Variants in ODF2 observed in about 807,000 individuals in gnomAD.
ODF2 encodes the protein outer dense fiber of sperm tails 2, also known as outer dense fiber protein 2.
In ODF2, 47 loss-of-function variants were observed where a neutral mutation model predicts 110.2. That is an observed-to-expected ratio of 0.43 (90% CI 0.34 to 0.54). The LOEUF is 0.54. Ranked by LOEUF, ODF2 falls within the 20% of genes least tolerant of loss-of-function variation. The pLI is 0.03. For missense variants in ODF2, 812 were observed against 1,054.5 expected (o/e 0.77, Z 3.19); for synonymous variants, 352 against 397.7 (o/e 0.89, Z 1.37).
intron 6 of ODF2, 98 bp downstream of exon 6, chr9:128,471,566 CAGG>C: frequency 1.7e-6 from 2 of 1,181,570 alleles, no homozygotes; most frequent in Non-Finnish European, 2.4e-6. Context: ...GAGGTGGGCA[CAGG>C]CACTGTGCCT....
chr9:128,492,818 T>C lies in ODF2; in HGVS notation c.1752+13T>C. The C allele has an allele frequency of 6.2e-7, 1 of 1,601,234 alleles. No homozygotes were observed. The highest frequency in any genetic ancestry group is 8.6e-7 in the Non-Finnish European group (1 of 1,168,540). On this transcript the variant is annotated intron_variant, in intron 16 of 20. Transcript: ENST00000604420. ...AGAGATTGAGGCGGTACTGCTTTCC[T>C]TCCTTGTTTTCTTCTCCTACCCAAT...
At chr9:128,460,987 C>T (rs779962939) in exon 4 of ODF2, 4 of 1,614,146 alleles carry the variant, frequency 2.5e-6, no homozygotes, top group South Asian at 1.1e-5. Flanking sequence ...GAATGTGCGG[C>T]GGAGTGTCCG....
intron 18 of ODF2, chr9:128,497,449 ATATATATATATATAT>A (rs1564533079): frequency 1.9e-4 from 10 of 52,136 alleles, no homozygotes; most frequent in South Asian, 6.5e-4. Context: ...AAAAAAAAAT[ATATATATATATATAT>A]ATATATATAT....
intron 18 of ODF2, chr9:128,497,446 A>AATATATATATATATATATAT (rs71381765): frequency 2.3e-5 from 1 of 42,592 alleles, no homozygotes; most frequent in African/African-American, 1.5e-4. Flanking sequence ...AAAAAAAAAA[A>AATATATATATATATATATAT]ATATATATAT....
chr9:128,495,940 A>G (rs762893968), intron 17 of ODF2, 101 bp from the exon 18 acceptor site: 24 of 1,385,262 alleles, frequency 1.7e-5, no homozygotes, highest in Non-Finnish European at 2.3e-5. Context: ...TGCTGAGGGC[A>G]CTGTGCCCCT....
intron 4 of ODF2, among the ~76,000 whole-genome samples, chr9:128,466,845 C>T (rs1404156326): frequency 2.0e-5 from 3 of 146,920 alleles, no homozygotes; most frequent in South Asian, 2.2e-4. Context: ...GGCATGGTGG[C>T]GGGCACCTGT....
chr9:128,458,427 A>C (rs1393711839), intron 2 of ODF2, among the ~76,000 whole-genome samples: 1 of 145,272 alleles, frequency 6.9e-6, no homozygotes, highest in Non-Finnish European at 1.5e-5. Context: ...GGGCCACTGC[A>C]CTCCAGCCTG....
At chr9:128,466,373 G>A (rs1837901756) in intron 4 of ODF2, among the ~76,000 whole-genome samples, 1 of 151,152 alleles carries the variant, frequency 6.6e-6, no homozygotes, top group Non-Finnish European at 1.5e-5. Context: ...AGGCTGAGGT[G>A]TAAGGATGGG....
Position 128,500,048 on chromosome 9 carries a change from C to T in ODF2, c.2302-19C>T. 1 of 1,613,960 alleles carries T rather than the reference C, an allele frequency of 6.2e-7. No homozygotes were observed. Among genetic ancestry groups the T allele is most frequent in the South Asian group, 1.1e-5 (1 of 91,058 alleles). Reference sequence around the variant, plus strand: ...TTGGACACTGCACAGCGGGCCCATGCTCTGTTTCTCCTCGTTAGGCGGACC... The same window carrying T: ...TTGGACACTGCACAGCGGGCCCATGTTCTGTTTCTCCTCGTTAGGCGGACC... On this transcript the variant is annotated intron_variant, in intron 20 of 20. Coordinates refer to ENST00000604420, the Ensembl canonical transcript of ODF2.
intron 3 of ODF2, chr9:128,460,654 G>A (rs2131481883): frequency 5.0e-6 from 8 of 1,614,046 alleles, no homozygotes; most frequent in East Asian, 2.2e-5. Flanking sequence ...AACCATCAGC[G>A]ACCAGCAGCC....
chr9:128,500,302 C>T (rs746152054), exon 21 of ODF2: 1 of 1,593,750 alleles, frequency 6.3e-7, no homozygotes, highest in South Asian at 1.1e-5. Context: ...ATAGGAACTC[C>T]AGAGTTGCCA....
intron 4 of ODF2, among the ~76,000 whole-genome samples, chr9:128,466,087 C>T (rs1440472341): frequency 6.6e-6 from 1 of 151,252 alleles, no homozygotes; most frequent in Non-Finnish European, 1.5e-5. Flanking sequence ...TGCAGGGAGC[C>T]AAGATCGCGC....
intron 6 of ODF2, 93 bp downstream of exon 6, chr9:128,471,561 G>GGGCACA: frequency 7.9e-7 from 1 of 1,261,862 alleles, no homozygotes; most frequent in Non-Finnish European, 1.1e-6. Context: ...CGTAGGAGGT[G>GGGCACA]GGCACAGGCA....
chr9:128,457,142 TCCTC>T, intron 1 of ODF2: 2 of 1,463,790 alleles, frequency 1.4e-6, no homozygotes, highest in South Asian at 1.2e-5. Flanking sequence ...CCCCTCCCCT[TCCTC>T]CCCTCTGCCC....
chr9:128,470,046 T>TATATATATAA (rs1273553014), intron 5 of ODF2, among the ~76,000 whole-genome samples: 19 of 56,666 alleles, frequency 3.4e-4, no homozygotes, highest in East Asian at 1.9e-3. Context: ...TATATATATA[T>TATATATATAA]AAATAAAAAA....
chr9:128,457,212 G>C, exon 2 of ODF2: 1 of 1,570,818 alleles, frequency 6.4e-7, no homozygotes, highest in Non-Finnish European at 8.6e-7. Flanking sequence ...GTTGCTGTGC[G>C]ACTTGGACAG....
intron 17 of ODF2, 111 bp from the exon 18 acceptor site, chr9:128,495,930 T>A: frequency 7.7e-7 from 1 of 1,293,040 alleles, no homozygotes; most frequent in East Asian, 2.3e-5. Context: ...CTTGGACACC[T>A]GCTGAGGGCA....
Position 128,494,564 on chromosome 9 carries a change from C to T in ODF2, c.1807C>T (p.Leu603=). The T allele has an allele frequency of 2.5e-6, 4 of 1,614,192 alleles. No individual in the cohort carries two copies. The South Asian group carries it at 3.3e-5, about 13-fold the overall frequency. ...TGACCTGCAGCAGCTCCCTGACATC[C>T]TGAAGATCACGGAGGCGAAGCTGGC... The change falls in exon 17 of 21, where the codon CTG becomes TTG. Residue 603 remains leucine, a synonymous_variant. Transcript: ENST00000604420. The surrounding 1 kb of genome is among the most constrained non-coding windows in gnomAD (Gnocchi z 4.6).
At chr9:128,463,853 T>C (rs902284541) in intron 4 of ODF2, among the ~76,000 whole-genome samples, 3 of 152,038 alleles carry the variant, frequency 2.0e-5, no homozygotes, top group Non-Finnish European at 4.4e-5. Flanking sequence ...TATTTATTTA[T>C]TTACTTTTTG....
Sources: allele counts gnomAD v4.1 joint callset (sites outside exome capture counted in the v4.1 genomes callset), GRCh38; gene constraint gnomAD v4.1.1; non-coding constraint Gnocchi (gnomAD v3.1); transcripts MANE v1.5; gene names NCBI Gene and HGNC (gene_info 2026-07-23, HGNC 2026-07-21).